The following DLGAP2 variants were observed in gnomAD, a reference collection of about 807,000 sequenced individuals.
DLGAP2 encodes disks large-associated protein 2.
A neutral mutation model predicts 100.3 loss-of-function variants in DLGAP2; 26 were observed. The observed-to-expected ratio is 0.26, with a 90% confidence interval of 0.19 to 0.36. DLGAP2 has a LOEUF of 0.36. DLGAP2 is among the 10% of genes least tolerant of loss of function. DLGAP2 has a pLI of 1.00. For missense variants in DLGAP2, 1,858 were observed against 1,453.2 expected (o/e 1.28, Z -4.53); for synonymous variants, 886 against 630.1 (o/e 1.41, Z -6.08).
chr8:1,129,132 G>T (rs1796233489), intron 2 of DLGAP2, among the ~76,000 whole-genome samples: 1 of 152,210 alleles, frequency 6.6e-6, no homozygotes, highest in African/African-American at 2.4e-5. Flanking sequence ...AGGGCCAGGT[G>T]CCGTGGCTCA....
At chr8:874,114 C>G (rs1296639902) in intron 1 of DLGAP2, among the ~76,000 whole-genome samples, 1 of 152,066 alleles carries the variant, frequency 6.6e-6, no homozygotes, top group Non-Finnish European at 1.5e-5. Flanking sequence ...CTTTGTCAAT[C>G]TAGCTAAAAG....
At chr8:1,678,799 A>C in intron 12 of DLGAP2, 170 bp downstream of exon 12, 1 of 735,760 alleles carries the variant, frequency 1.4e-6, no homozygotes, top group Non-Finnish European at 2.0e-6. Flanking sequence ...TATAAATTAC[A>C]TGAAAAGAGA....
At chr8:1,601,473 A>G (rs1269271091) in intron 6 of DLGAP2, among the ~76,000 whole-genome samples, 1 of 152,198 alleles carries the variant, frequency 6.6e-6, no homozygotes, top group Non-Finnish European at 1.5e-5. Flanking sequence ...CTGCACCCAC[A>G]GCCGCCCCTT....
chr8:1,061,350 G>T (rs1330142574), intron 2 of DLGAP2, among the ~76,000 whole-genome samples: 5 of 152,102 alleles, frequency 3.3e-5, no homozygotes, highest in African/African-American at 1.2e-4. Flanking sequence ...TTTCTTTGTA[G>T]GCCTGGGCGG....
intron 1 of DLGAP2, among the ~76,000 whole-genome samples, chr8:890,607 C>G (rs1194164342): frequency 6.6e-6 from 1 of 152,030 alleles, no homozygotes; most frequent in African/African-American, 2.4e-5. Flanking sequence ...CCTCCTTGCG[C>G]TTTCTTGATT....
intron 2 of DLGAP2, among the ~76,000 whole-genome samples, chr8:955,656 C>G (rs1273791053): frequency 3.3e-5 from 5 of 152,160 alleles, no homozygotes; most frequent in African/African-American, 9.7e-5. Context: ...CCCAAAACTT[C>G]AAGGCTTTTT....
chr8:950,622 C>CTTTTTTTTTTTTTT (rs34631994), intron 2 of DLGAP2, among the ~76,000 whole-genome samples: 12 of 130,506 alleles, frequency 9.2e-5, no homozygotes, highest in East Asian at 2.1e-4. Context: ...TTTTCTTTTT[C>CTTTTTTTTTTTTTT]TTTTTTTTTT....
chr8:1,167,214 A>C (rs1251353730), intron 2 of DLGAP2, among the ~76,000 whole-genome samples: 11 of 152,172 alleles, frequency 7.2e-5, no homozygotes, highest in Admixed American at 7.2e-4. Flanking sequence ...AAAAAAGCAC[A>C]TGCATGAAAT....
At chr8:1,281,565 G>A (rs1333149594) in intron 3 of DLGAP2, among the ~76,000 whole-genome samples, 9 of 152,164 alleles carry the variant, frequency 5.9e-5, no homozygotes, top group Admixed American at 2.0e-4. Flanking sequence ...AAAGACATGA[G>A]CGGAGACCCA....
At chr8:882,292 C>A (rs113155088) in intron 1 of DLGAP2, among the ~76,000 whole-genome samples, 9,536 of 146,962 alleles carry the variant, frequency 0.065, 540 homozygotes, top group Admixed American at 0.19. Flanking sequence ...CGGCACCTCT[C>A]CCTGCGGAGG....
At chr8:1,680,407 G>GA (rs751113297) in intron 12 of DLGAP2, 8 of 152,254 alleles carry the variant, frequency 5.3e-5, no homozygotes, top group Non-Finnish European at 1.2e-4. Context: ...GGCAGTCTGA[G>GA]AAAATCAATG....
chr8:1,462,679 G>C (rs577014647), intron 3 of DLGAP2, among the ~76,000 whole-genome samples: 1 of 152,152 alleles, frequency 6.6e-6, no homozygotes, highest in Non-Finnish European at 1.5e-5. Flanking sequence ...GACTCAGGCT[G>C]CCAGCGTGGG....
intron 3 of DLGAP2, among the ~76,000 whole-genome samples, chr8:1,426,464 A>C (rs1480244254): frequency 6.6e-6 from 1 of 152,214 alleles, no homozygotes; most frequent in Non-Finnish European, 1.5e-5. Context: ...AGTTAGCAGA[A>C]TTCCAGAAGA....
chr8:1,104,610 A>T (rs1034177864), intron 2 of DLGAP2, among the ~76,000 whole-genome samples: 1 of 152,164 alleles, frequency 6.6e-6, no homozygotes, highest in Non-Finnish European at 1.5e-5. Flanking sequence ...ACTCTGTCTC[A>T]TTTAATCCTT....
Position 1,548,583 on chromosome 8 carries a change from G to C in DLGAP2, c.173-43G>C, listed in dbSNP as rs547787421. 2.0e-5 allele frequency: 28 copies of C among 1,433,362 alleles called. 1 individual carries two copies. The highest frequency in any genetic ancestry group is 2.9e-5 in the African/African-American group (2 of 68,324). 88.8% of individuals were successfully genotyped at this position (1,433,362 alleles called of 1,614,324 possible). A position where few individuals can be genotyped will look rare whatever the true frequency, so the allele number is the denominator to read the frequency against. ...ATATTCCCCGCACCTGAGGGTTTCC[G>C]CCGCGCTTCCGGGTGTTCAATGCCG... On this transcript the variant is annotated intron_variant, in intron 4 of 14. Transcript: ENST00000637795.
intron 2 of DLGAP2, among the ~76,000 whole-genome samples, chr8:1,124,558 T>C (rs183725681): frequency 1.3e-5 from 2 of 152,362 alleles, no homozygotes; most frequent in East Asian, 1.9e-4. Flanking sequence ...TGATATGTAA[T>C]TGTGAATTGA....
intron 2 of DLGAP2, among the ~76,000 whole-genome samples, chr8:1,187,039 C>G (rs926682225): frequency 1.3e-5 from 2 of 152,172 alleles, no homozygotes. Context: ...GGGCCTTTCC[C>G]AGGCCCCAGA....
At chr8:1,100,652 A>G (rs987829297) in intron 2 of DLGAP2, among the ~76,000 whole-genome samples, 6 of 152,164 alleles carry the variant, frequency 3.9e-5, no homozygotes, top group African/African-American at 1.4e-4. Flanking sequence ...ATTTCAGAGG[A>G]TAATTGTCAG....
chr8:918,746 C>T (rs905092830), intron 2 of DLGAP2, among the ~76,000 whole-genome samples: 7 of 152,040 alleles, frequency 4.6e-5, no homozygotes, highest in Non-Finnish European at 1.0e-4. Context: ...TCTTTTATAG[C>T]TTTTTAGACA....
Sources: allele counts gnomAD v4.1 joint callset (sites outside exome capture counted in the v4.1 genomes callset), GRCh38; gene constraint gnomAD v4.1.1; transcripts MANE v1.5; gene names NCBI Gene and HGNC (gene_info 2026-07-23, HGNC 2026-07-21).